Variants in MEF2B observed in about 807,000 individuals in gnomAD.
The protein encoded by MEF2B is myocyte enhancer factor 2B.
Under a neutral mutation model 32.2 loss-of-function variants are expected in MEF2B, and 15 were observed. That is an observed-to-expected ratio of 0.47 (90% CI 0.31 to 0.72). The LOEUF is 0.72. MEF2B is among the 30% of genes least tolerant of loss of function. The pLI, the probability that MEF2B is intolerant of heterozygous loss-of-function variation, is 0.05. For synonymous variants in MEF2B, 205 were observed against 225.6 expected, an observed-to-expected ratio of 0.91 and a Z score of 0.82; for missense variants, 441 against 511.5, an observed-to-expected ratio of 0.86 and a Z score of 1.33.
chr19:19,146,042 G>A lies in MEF2B; in HGVS notation c.882-20C>T. The A allele has an allele frequency of 7.1e-7, 1 of 1,416,198 alleles. No homozygotes were observed. The highest frequency in any genetic ancestry group is 2.8e-5 in the East Asian group (1 of 35,966). 87.7% of individuals were successfully genotyped at this position (1,416,198 alleles called of 1,614,324 possible). A position where few individuals can be genotyped will look rare whatever the true frequency, so the allele number is the denominator to read the frequency against. ...CCCCCACTGCAGGGGGAAAGAGAGA[G>A]GGAGGCCGTGAGCTCAGCGAGGAAG... On this transcript the variant is annotated intron_variant, in intron 8 of 8. Transcript: ENST00000424583.
chr19:19,153,597 C>T (rs560477369), intron 1 of MEF2B, among the ~76,000 whole-genome samples: 92 of 152,124 alleles, frequency 6.0e-4, no homozygotes, highest in Middle Eastern at 3.4e-3. Context: ...GCTGCGATTA[C>T]GGGCATGCAC....
intron 1 of MEF2B, among the ~76,000 whole-genome samples, chr19:19,169,690 T>C (rs7260127): frequency 0.49 from 75,059 of 151,906 alleles, 18,763 homozygotes; most frequent in East Asian, 0.57. Context: ...CCTGTACCCA[T>C]TGAGGCAAAG....
intron 1 of MEF2B, among the ~76,000 whole-genome samples, chr19:19,159,684 C>T (rs764871110): frequency 3.9e-5 from 6 of 151,974 alleles, no homozygotes; most frequent in Non-Finnish European, 7.4e-5. Context: ...CTCAGGAGTG[C>T]GGAAGCATCA....
intron 2 of MEF2B, among the ~76,000 whole-genome samples, chr19:19,149,877 G>T (rs75746498): frequency 0.04 from 6,134 of 151,878 alleles, 327 homozygotes; most frequent in East Asian, 0.26. Context: ...TCAGGAGTTC[G>T]AGGCTAGCCT....
chr19:19,162,086 G>A (rs1310716364), intron 1 of MEF2B, among the ~76,000 whole-genome samples: 3 of 151,934 alleles, frequency 2.0e-5, no homozygotes. Flanking sequence ...GGGATTACAG[G>A]CCACCATACC....
At position 19,146,856 on chromosome 19, in the gene MEF2B, G is replaced by A. The variant is rs1308059609; in HGVS notation, c.561C>T (p.Phe187=). 53 of 1,613,014 alleles carry A rather than the reference G, an allele frequency of 3.3e-5. No homozygotes were observed. The highest frequency in any genetic ancestry group is 4.3e-5 in the Non-Finnish European group (51 of 1,179,762). ...AGPPGLVHPL[F]SPSHLTSKTP... is the part of the protein sequence containing the mutation. ...TCTTGCTGGTGAGGTGGCTTGGTGA[G>A]AAGAGAGGGTGCACCAGGCCTGGGG... The change falls in exon 6 of 9, where the codon TTC becomes TTT. Residue 187 remains phenylalanine, a synonymous_variant. Coordinates refer to ENST00000424583, the MANE Select transcript of MEF2B (RefSeq NM_001145785.2).
At chr19:19,163,748 G>A (rs2060185532) in intron 1 of MEF2B, among the ~76,000 whole-genome samples, 1 of 152,136 alleles carries the variant, frequency 6.6e-6, no homozygotes, top group Non-Finnish European at 1.5e-5. Context: ...CCGCCTCCCA[G>A]GTTCAAGCCA....
chr19:19,157,495 A>T (rs2060127930), intron 1 of MEF2B, among the ~76,000 whole-genome samples: 1 of 152,100 alleles, frequency 6.6e-6, no homozygotes, highest in African/African-American at 2.4e-5. Flanking sequence ...ACGATCCCAG[A>T]CTCCATCGAG....
intron 1 of MEF2B, among the ~76,000 whole-genome samples, chr19:19,157,579 G>T (rs1461003841): frequency 6.6e-6 from 1 of 152,214 alleles, no homozygotes; most frequent in African/African-American, 2.4e-5. Flanking sequence ...TGGGCGCAGG[G>T]GCTCAAGCCT....
chr19:19,154,686 C>T (rs960728311), intron 1 of MEF2B, among the ~76,000 whole-genome samples: 9 of 152,136 alleles, frequency 5.9e-5, no homozygotes, highest in South Asian at 2.1e-4. Flanking sequence ...TCAAGGGATC[C>T]GCTGGCCTCA....
chr19:19,151,735 A>G (rs1251153161), intron 1 of MEF2B, among the ~76,000 whole-genome samples: 2 of 152,116 alleles, frequency 1.3e-5, no homozygotes, highest in Admixed American at 1.3e-4. Flanking sequence ...TCAGCACAGA[A>G]GACCCTTTCC....
intron 1 of MEF2B, among the ~76,000 whole-genome samples, chr19:19,155,001 G>C (rs1027803911): frequency 6.6e-6 from 1 of 152,140 alleles, no homozygotes; most frequent in South Asian, 2.1e-4. Flanking sequence ...CTGGAGGCAG[G>C]CCTGACAGGT....
chr19:19,156,207 T>C (rs1300500339), intron 1 of MEF2B, among the ~76,000 whole-genome samples: 2 of 152,058 alleles, frequency 1.3e-5, no homozygotes, highest in Non-Finnish European at 2.9e-5. Flanking sequence ...GTAGAAAGCT[T>C]AAGTAGACCA....
At chr19:19,163,050 T>C (rs1382206983) in intron 1 of MEF2B, among the ~76,000 whole-genome samples, 1 of 152,204 alleles carries the variant, frequency 6.6e-6, no homozygotes, top group Non-Finnish European at 1.5e-5. Flanking sequence ...CCGGACTGTG[T>C]CCAACCCCGG....
intron 3 of MEF2B, among the ~76,000 whole-genome samples, chr19:19,148,805 G>A (rs1164518545): frequency 2.0e-5 from 3 of 151,794 alleles, no homozygotes; most frequent in South Asian, 2.1e-4. Context: ...TCCGCCTCCC[G>A]GGTTCAAGCA....
chr19:19,165,145 G>T (rs974708037), intron 1 of MEF2B, among the ~76,000 whole-genome samples: 3 of 152,108 alleles, frequency 2.0e-5, no homozygotes, highest in Non-Finnish European at 4.4e-5. Flanking sequence ...CAGGAGCAGG[G>T]GGTGGGCAGA....
chr19:19,150,897 G>T (rs2146359742), intron 1 of MEF2B, 133 bp from the exon 2 acceptor site: 1 of 1,157,544 alleles, frequency 8.6e-7, no homozygotes, highest in Non-Finnish European at 1.2e-6. Flanking sequence ...AAGGCAGGCT[G>T]GGTCACTGTC....
intron 1 of MEF2B, among the ~76,000 whole-genome samples, chr19:19,159,767 A>G (rs570817670): frequency 2.0e-4 from 31 of 152,120 alleles, no homozygotes; most frequent in African/African-American, 7.5e-4. Flanking sequence ...CAAGCCATAG[A>G]TTATCATCTC....
At position 19,150,230 on chromosome 19, in the gene MEF2B, A is replaced by T. The variant is rs565398491; in HGVS notation, c.54+452T>A. ...AAGGAGGGAAGGAGGGAGGGAGGGGAAACAAGAAACACTGACAGACCAGGC... is the reference window on the plus strand; with the variant it reads ...AAGGAGGGAAGGAGGGAGGGAGGGGTAACAAGAAACACTGACAGACCAGGC... On this transcript the variant is annotated intron_variant, in intron 2 of 8. Coordinates refer to ENST00000424583, the MANE Select transcript of MEF2B (RefSeq NM_001145785.2). 4.1e-5 allele frequency among the ~76,000 whole-genome samples: 6 copies of T among 147,932 alleles called. No homozygotes were observed. In the South Asian group the frequency reaches 1.3e-3, roughly 32 times the overall value.
Sources: gnomAD v4.1 joint callset for allele counts (sites outside exome capture counted in the v4.1 genomes callset) on GRCh38, gnomAD v4.1.1 for gene constraint, MANE v1.5 for transcripts, NCBI Gene and HGNC (gene_info 2026-07-23, HGNC 2026-07-21) for gene names.